Variants in ABI3BP observed in about 807,000 individuals in gnomAD.
ABI3BP encodes ABI family member 3 binding protein.
ABI3BP carries 216 observed loss-of-function variants against 268.6 expected under a neutral mutation model. The observed-to-expected ratio is 0.80, with a 90% CI of 0.72 to 0.90. The LOEUF is 0.90. Among genes scored for constraint, ABI3BP ranks in the 40% least tolerant of loss-of-function variants. ABI3BP has a pLI of 0.00. For missense variants in ABI3BP, 2,090 were observed against 2,182.4 expected (o/e 0.96, Z 0.84); for synonymous variants, 730 against 730.0 (o/e 1.00, Z 0.00).
At chr3:100,944,699 A>T (rs7355920) in intron 1 of ABI3BP, among the ~76,000 whole-genome samples, 17,679 of 152,250 alleles carry the variant, frequency 0.12, 1,168 homozygotes, top group Middle Eastern at 0.19. Flanking sequence ...GACATTTGGC[A>T]TCTTCATGAA....
intron 9 of ABI3BP, among the ~76,000 whole-genome samples, chr3:100,871,778 G>A (rs150514561): frequency 6.6e-6 from 1 of 152,200 alleles, no homozygotes; most frequent in African/African-American, 2.4e-5. Flanking sequence ...TGTGAAAATG[G>A]ACTAATACAG....
At chr3:100,824,775 G>A in intron 36 of ABI3BP, 83 bp downstream of exon 36, 1 of 1,162,496 alleles carries the variant, frequency 8.6e-7, no homozygotes, top group East Asian at 2.6e-5. Flanking sequence ...AAGACCTGTT[G>A]CTGCTCAGCA....
chr3:100,761,986 C>T (rs1190419120), intron 63 of ABI3BP, among the ~76,000 whole-genome samples: 1 of 152,206 alleles, frequency 6.6e-6, no homozygotes, highest in African/African-American at 2.4e-5. Context: ...TCCAGAACCT[C>T]ATGAGGGAAT....
At chr3:100,963,424 C>T (rs1237176046) in intron 1 of ABI3BP, among the ~76,000 whole-genome samples, 2 of 152,002 alleles carry the variant, frequency 1.3e-5, no homozygotes, top group East Asian at 3.9e-4. Flanking sequence ...AAATTTATTC[C>T]TTTTTTACTT....
At position 100,830,106 on chromosome 3, in the gene ABI3BP, CATACATATATATATAT is replaced by C. The variant is rs1459900984; in HGVS notation, c.2458+456_2459-443del. Among the ~76,000 whole-genome samples, 383 of 76,864 alleles carry C rather than the reference CATACATATATATATAT, an allele frequency of 5.0e-3. 6 individuals carry two copies. The highest frequency in any genetic ancestry group is 0.025 in the African/African-American group (353 of 14,336). The allele number at this position is 76,864 out of a possible 152,430, so 50.4% of individuals were successfully genotyped here. A position where few individuals can be genotyped will look rare whatever the true frequency, so the allele number is the denominator to read the frequency against. On this transcript the variant is annotated intron_variant, in intron 32 of 67. Coordinates refer to ENST00000471714, the MANE Select transcript of ABI3BP (RefSeq NM_001375547.2). ...CTATATACATATACATACATACATA[CATACATATATATATAT>C]ATATATATATATATATATATATATA...
Position 100,886,186 on chromosome 3 carries a change from C to T in ABI3BP, c.599G>A (p.Gly200Asp), listed in dbSNP as rs755863234. Residue 200 changes from glycine to aspartate, a missense_variant, in exon 5 of 68, where the codon GGT becomes GAT. Gly to Asp is a moderately conservative substitution (Grantham distance 94). Coordinates refer to ENST00000471714, the MANE Select transcript of ABI3BP (RefSeq NM_001375547.2). Reference protein sequence around the residue: ...YEFGVKDNVEGGIWSKIFNHK... With the variant: ...YEFGVKDNVEDGIWSKIFNHK... ...ATTGAAAATCTTACTCCAAATTCCACCTTCCACATTGTCTTTCACTCCAAA... is the reference window on the plus strand; with the variant it reads ...ATTGAAAATCTTACTCCAAATTCCATCTTCCACATTGTCTTTCACTCCAAA... 18 of 1,603,382 alleles carry T rather than the reference C, an allele frequency of 1.1e-5. No individual in the cohort carries two copies. The highest frequency in any genetic ancestry group is 1.4e-5 in the Non-Finnish European group (17 of 1,175,000).
chr3:100,850,218 C>A, intron 16 of ABI3BP, 99 bp from the exon 17 acceptor site: 3 of 995,394 alleles, frequency 3.0e-6, no homozygotes, highest in African/African-American at 3.3e-5. Flanking sequence ...GCACATGCCA[C>A]GAGTACATGA....
At chr3:100,924,952 C>CTTTTTAT (rs2061385854) in intron 2 of ABI3BP, among the ~76,000 whole-genome samples, 1 of 152,084 alleles carries the variant, frequency 6.6e-6, no homozygotes, top group African/African-American at 2.4e-5. Flanking sequence ...TGGGGGCAAA[C>CTTTTTAT]ACACGGCTTC....
rs745366638 is a variant in ABI3BP at position 100,834,761 on chromosome 3, G to A, written c.2204C>T (p.Ser735Leu). 7.9e-5 allele frequency: 122 copies of A among 1,535,456 alleles called. No individual in the cohort carries two copies. Among genetic ancestry groups the A allele is most frequent in the African/African-American group, 1.5e-4 (11 of 72,978 alleles). The change falls in exon 29 of 68, where the codon TCG becomes TTG. Residue 735 changes from serine to leucine, a missense_variant. Transcript: ENST00000471714. ...ATVTTLAPKTSQRTRTRRPRP... is the reference protein window; with the variant it reads ...ATVTTLAPKTLQRTRTRRPRP... ...TGGACGACGTGTTCTTGTTCGTTGC[G>A]ATGTTTTTGGAGCTAAAGAAAGGAA... is the stretch of plus-strand genomic sequence containing the variant.
chr3:100,847,741 AACTAAATGATCCATT>A, intron 18 of ABI3BP, 68 bp from the exon 19 acceptor site: 1 of 1,285,054 alleles, frequency 7.8e-7, no homozygotes, highest in East Asian at 2.3e-5. Context: ...TCTAAAGAGG[AACTAAATGATCCATT>A]TAAAATCCTG....
chr3:100,828,546 T>G, intron 33 of ABI3BP, 94 bp from the exon 34 acceptor site: 94 of 1,086,678 alleles, frequency 8.7e-5, no homozygotes, highest in Non-Finnish European at 1.1e-4. Context: ...GGTCATGACA[T>G]ATCTGTCCAG....
chr3:100,808,057 G>A, intron 50 of ABI3BP, 104 bp downstream of exon 50: 1 of 971,138 alleles, frequency 1.0e-6, no homozygotes, highest in Non-Finnish European at 1.6e-6. Flanking sequence ...TGTTTTACAA[G>A]TGTTAAAGAC....
rs185807676 is a variant in ABI3BP, at chr3:100,833,596, T to C, written c.2282-439A>G. Among the ~76,000 whole-genome samples the C allele has an allele frequency of 5.3e-5, 8 of 152,332 alleles. No individual in the cohort carries two copies. The East Asian group carries it at 1.2e-3, about 22-fold the overall frequency. ...CTAAAACAGATAATGCTGTTCTTTGTTGAGAGTGCACTTTGGAAAAAGACC... is the reference window on the plus strand; with the variant it reads ...CTAAAACAGATAATGCTGTTCTTTGCTGAGAGTGCACTTTGGAAAAAGACC... On this transcript the variant is annotated intron_variant, in intron 29 of 67. Transcript: ENST00000471714.
rs918601137 is a variant in ABI3BP, at chr3:100,848,977, A to G, written c.1502-102T>C. On this transcript the variant is annotated intron_variant, in intron 17 of 67. Transcript: ENST00000471714. ...ACTCCAAGTACAAGAACTGCTTTAT[A>G]TTTCCTTGTATCCTTAGAATGTCCA... 4 of 892,200 alleles carry G rather than the reference A, an allele frequency of 4.5e-6. No homozygotes were observed. The African/African-American group carries it at 6.7e-5, about 15-fold the overall frequency. The allele number at this position is 892,200 out of a possible 1,614,324, so 55.3% of individuals were successfully genotyped here. A position where few individuals can be genotyped will look rare whatever the true frequency, so the allele number is the denominator to read the frequency against.
At chr3:100,774,043 A>C (rs997489328) in intron 61 of ABI3BP, among the ~76,000 whole-genome samples, 16 of 152,152 alleles carry the variant, frequency 1.1e-4, no homozygotes, top group Non-Finnish European at 2.2e-4. Context: ...GGGTGTATAC[A>C]TATATTAAAA....
intron 6 of ABI3BP, among the ~76,000 whole-genome samples, chr3:100,880,444 C>T (rs2099215876): frequency 6.6e-6 from 1 of 152,180 alleles, no homozygotes; most frequent in Admixed American, 6.5e-5. Flanking sequence ...TCTTTCTTGT[C>T]CTATAATAGA....
chr3:100,986,484 T>G (rs1001280772), intron 1 of ABI3BP, among the ~76,000 whole-genome samples: 4 of 152,180 alleles, frequency 2.6e-5, no homozygotes, highest in Non-Finnish European at 4.4e-5. Context: ...CTTTTTTTTT[T>G]GAAATGGAGT....
intron 2 of ABI3BP, among the ~76,000 whole-genome samples, chr3:100,915,558 A>G (rs1170020137): frequency 6.6e-6 from 1 of 152,192 alleles, no homozygotes; most frequent in Non-Finnish European, 1.5e-5. Context: ...AGGACATGAC[A>G]GTTGAGAATC....
Position 100,944,356 on chromosome 3 carries a change from G to A in ABI3BP, c.80-17875C>T, listed in dbSNP as rs74419322. Among the ~76,000 whole-genome samples the A allele has an allele frequency of 2.6e-4, 39 of 152,022 alleles. No homozygotes were observed. The East Asian group carries it at 7.4e-3, about 29-fold the overall frequency. ...ATACTTCTTTTTCTTTTCTTCTCTT[G>A]ATAACTCCAGTTTGGGCACTCATTA... On this transcript the variant is annotated intron_variant, in intron 1 of 67. Coordinates refer to ENST00000471714, the MANE Select transcript of ABI3BP (RefSeq NM_001375547.2).
Sources: allele counts gnomAD v4.1 joint callset (sites outside exome capture counted in the v4.1 genomes callset), GRCh38; gene constraint gnomAD v4.1.1; transcripts MANE v1.5; gene names NCBI Gene and HGNC (gene_info 2026-07-23, HGNC 2026-07-21).